AKT3: variants seen among roughly 807,000 people sequenced by gnomAD.
AKT3 encodes the protein AKT serine/threonine kinase 3.
A neutral mutation model predicts 65.3 loss-of-function variants in AKT3; 15 were observed. That is an observed-to-expected ratio of 0.23 (90% confidence interval 0.15 to 0.35). AKT3 has a LOEUF of 0.35. AKT3 is among the 10% of genes least tolerant of loss of function. The pLI is 1.00. For synonymous variants in AKT3, 206 were observed against 183.8 expected, an observed-to-expected ratio of 1.12 and a Z score of -0.98; for missense variants, 243 against 576.5, an observed-to-expected ratio of 0.42 and a Z score of 5.92.
At chr1:243,757,406 T>C (rs2148230604) in intron 2 of AKT3, among the ~76,000 whole-genome samples, 1 of 152,166 alleles carries the variant, frequency 6.6e-6, no homozygotes, top group East Asian at 1.9e-4. Context: ...TCACCTGAGG[T>C]CAGGACTTCA....
chr1:243,671,767 T>C (rs746071100), intron 3 of AKT3, among the ~76,000 whole-genome samples: 10 of 152,210 alleles, frequency 6.6e-5, no homozygotes, highest in South Asian at 2.1e-4. Context: ...GGTGTTATTA[T>C]CTTCCATTTT....
chr1:243,805,642 C>A (rs1207760787), intron 2 of AKT3, among the ~76,000 whole-genome samples: 2 of 152,040 alleles, frequency 1.3e-5, no homozygotes, highest in African/African-American at 4.8e-5. Context: ...ATTTCATTTC[C>A]TCATGCACAC....
At chr1:243,683,107 T>C (rs896730955) in intron 3 of AKT3, among the ~76,000 whole-genome samples, 2 of 152,202 alleles carry the variant, frequency 1.3e-5, no homozygotes, top group African/African-American at 4.8e-5. Flanking sequence ...CATGGGTTCA[T>C]GCTGTGGGCT....
intron 12 of AKT3, among the ~76,000 whole-genome samples, chr1:243,541,712 C>T (rs1379682510): frequency 6.6e-6 from 1 of 151,978 alleles, no homozygotes; most frequent in Non-Finnish European, 1.5e-5. Flanking sequence ...GCCAATACAG[C>T]AAGGCAAAAG....
Position 243,500,211 on chromosome 1 carries a change from T to A in AKT3, c.*5038A>T. 1 of 262,112 alleles carries A rather than the reference T, an allele frequency of 3.8e-6. No individual in the cohort carries two copies. Among genetic ancestry groups the A allele is most frequent in the Non-Finnish European group, 7.4e-6 (1 of 134,786 alleles). 16.2% of individuals were successfully genotyped at this position (262,112 alleles called of 1,614,324 possible). ...AAACTTTTTTTCCTGCCATTCATTTTTCTTTTCATGATCTATATATCAATC... is the reference window on the plus strand; with the variant it reads ...AAACTTTTTTTCCTGCCATTCATTTATCTTTTCATGATCTATATATCAATC... On this transcript the variant is annotated 3_prime_UTR_variant, in exon 14 of 14. Coordinates refer to ENST00000673466, the MANE Select transcript of AKT3 (RefSeq NM_005465.7).
intron 8 of AKT3, among the ~76,000 whole-genome samples, chr1:243,599,324 A>G (rs1189768422): frequency 6.6e-6 from 1 of 152,232 alleles, no homozygotes; most frequent in African/African-American, 2.4e-5. Context: ...TATGAATATA[A>G]AACATTTTTT....
chr1:243,673,891 G>T (rs1407079381), intron 3 of AKT3, among the ~76,000 whole-genome samples: 1 of 152,176 alleles, frequency 6.6e-6, no homozygotes, highest in Non-Finnish European at 1.5e-5. Context: ...GGGATTACAG[G>T]CGTGAGCCAC....
At chr1:243,849,875 C>A (rs1248272308) in intron 1 of AKT3, among the ~76,000 whole-genome samples, 165 bp downstream of exon 1, 1 of 151,838 alleles carries the variant, frequency 6.6e-6, no homozygotes, top group Non-Finnish European at 1.5e-5. Context: ...GACCCAGCCC[C>A]CGCCCACGCC....
intron 2 of AKT3, among the ~76,000 whole-genome samples, chr1:243,814,312 A>G (rs968275270): frequency 2.0e-5 from 3 of 152,198 alleles, no homozygotes; most frequent in Non-Finnish European, 4.4e-5. Flanking sequence ...TTAAGTATAG[A>G]ACCCTATTAT....
intron 6 of AKT3, 101 bp downstream of exon 6, chr1:243,637,506 GTTGT>G: frequency 1.1e-6 from 1 of 949,954 alleles, no homozygotes; most frequent in African/African-American, 1.7e-5. Context: ...CCATATTTTG[GTTGT>G]TTAATGGAAT....
chr1:243,739,326 T>A (rs1030750648), intron 2 of AKT3, among the ~76,000 whole-genome samples: 1 of 152,194 alleles, frequency 6.6e-6, no homozygotes, highest in African/African-American at 2.4e-5. Flanking sequence ...TTTTTATATC[T>A]TGAACTCAAA....
chr1:243,736,114 C>A (rs1014591448), intron 2 of AKT3, among the ~76,000 whole-genome samples: 3 of 152,072 alleles, frequency 2.0e-5, no homozygotes, highest in African/African-American at 7.2e-5. Flanking sequence ...GCTTTGTAGT[C>A]AAATACATGG....
intron 4 of AKT3, among the ~76,000 whole-genome samples, chr1:243,653,055 T>A (rs1681497581): frequency 6.6e-6 from 1 of 151,402 alleles, no homozygotes. Flanking sequence ...AATCAATGAA[T>A]CCAGGAGCTG....
intron 3 of AKT3, among the ~76,000 whole-genome samples, chr1:243,673,027 G>A (rs1312635550): frequency 2.0e-5 from 3 of 152,172 alleles, no homozygotes; most frequent in Admixed American, 6.5e-5. Flanking sequence ...TGGACTCAAG[G>A]AATTAGGCAT....
intron 2 of AKT3, among the ~76,000 whole-genome samples, chr1:243,731,442 C>T (rs1324022545): frequency 6.6e-6 from 1 of 152,178 alleles, no homozygotes; most frequent in African/African-American, 2.4e-5. Context: ...GGTCTCAGTA[C>T]AGCAACAGTA....
intron 6 of AKT3, chr1:243,624,798 C>T (rs529333067): frequency 8.1e-4 from 168 of 207,186 alleles, no homozygotes; most frequent in African/African-American, 3.7e-3. Flanking sequence ...TGTCTCTGTC[C>T]AGACTAACAA....
intron 2 of AKT3, among the ~76,000 whole-genome samples, chr1:243,778,402 C>T (rs1233280402): frequency 3.3e-5 from 5 of 152,134 alleles, no homozygotes; most frequent in African/African-American, 1.2e-4. Flanking sequence ...ATGACACAAA[C>T]TGATTCTTAA....
intron 2 of AKT3, among the ~76,000 whole-genome samples, chr1:243,805,641 C>T (rs1003517716): frequency 1.3e-5 from 2 of 152,124 alleles, no homozygotes; most frequent in African/African-American, 2.4e-5. Context: ...AATTTCATTT[C>T]CTCATGCACA....
chr1:243,506,529 TTGTC>T (rs1255657934), intron 13 of AKT3, among the ~76,000 whole-genome samples: 1 of 152,222 alleles, frequency 6.6e-6, no homozygotes, highest in East Asian at 1.9e-4. Context: ...GGCTCTGCCT[TTGTC>T]TGAAGAATAA....
Sources: gnomAD v4.1 joint callset for allele counts (sites outside exome capture counted in the v4.1 genomes callset) on GRCh38, gnomAD v4.1.1 for gene constraint, MANE v1.5 for transcripts, NCBI Gene and HGNC (gene_info 2026-07-23, HGNC 2026-07-21) for gene names.